Variants in VIPR2 observed in about 807,000 individuals in gnomAD.
VIPR2 encodes the protein vasoactive intestinal polypeptide receptor 2.
In VIPR2, 48 loss-of-function variants were observed where a neutral mutation model predicts 58.0. The observed-to-expected ratio is 0.83, with a 90% CI of 0.66 to 1.05. VIPR2 has a LOEUF of 1.05. VIPR2 is among the 50% of genes least tolerant of loss of function. VIPR2 has a pLI of 0.00. For missense variants in VIPR2, 534 were observed against 558.0 expected, an observed-to-expected ratio of 0.96 and a Z score of 0.43; for synonymous variants, 243 against 235.2, an observed-to-expected ratio of 1.03 and a Z score of -0.30.
intron 2 of VIPR2, among the ~76,000 whole-genome samples, chr7:159,136,586 A>C (rs1026532602): frequency 2.6e-5 from 4 of 152,046 alleles, no homozygotes; most frequent in African/African-American, 9.7e-5. Context: ...CCACACACTG[A>C]GGAGCTGTGT....
chr7:159,040,961 C>A (rs1357090575), intron 6 of VIPR2, among the ~76,000 whole-genome samples: 1 of 152,162 alleles, frequency 6.6e-6, no homozygotes, highest in Admixed American at 6.5e-5. Flanking sequence ...CACGGGGCAT[C>A]TGGCACAAGG....
chr7:159,037,200 C>G (rs1223462020), intron 6 of VIPR2, among the ~76,000 whole-genome samples: 1 of 152,240 alleles, frequency 6.6e-6, no homozygotes, highest in African/African-American at 2.4e-5. Flanking sequence ...ACAGGCCGCA[C>G]AGCTCCCTGG....
chr7:159,096,970 G>C lies in VIPR2; in HGVS notation c.357+6787C>G, dbSNP rs60504971. ...TGAGCTTGGCACCTGCTGGGCCTGA[G>C]GACCATGAGGGGAGGCTTCCTTCAG... On this transcript the variant is annotated intron_variant, in intron 4 of 12. Coordinates refer to ENST00000262178, the MANE Select transcript of VIPR2 (RefSeq NM_003382.5). This position sits in a 1 kb window ranked among gnomAD's most constrained non-coding sequence, Gnocchi z 5.5. The C allele has an allele frequency of 1.5e-3, 2,335 of 1,550,614 alleles. 26 individuals carry two copies. The African/African-American group carries it at 0.028, about 19-fold the overall frequency.
chr7:159,080,027 C>A (rs1856825624), intron 4 of VIPR2, among the ~76,000 whole-genome samples: 1 of 152,178 alleles, frequency 6.6e-6, no homozygotes, highest in African/African-American at 2.4e-5. Flanking sequence ...CAGCCAAATT[C>A]TACCAGAGGT....
At chr7:159,030,860 C>T in intron 12 of VIPR2, 71 bp from the exon 13 acceptor site, 1 of 1,424,300 alleles carries the variant, frequency 7.0e-7, no homozygotes. Flanking sequence ...GGAAGCGCGG[C>T]CCGCGAGCCT....
At chr7:159,104,944 C>G (rs767126939) in intron 3 of VIPR2, among the ~76,000 whole-genome samples, 3 of 151,772 alleles carry the variant, frequency 2.0e-5, no homozygotes, top group Admixed American at 6.5e-5. Flanking sequence ...CCAACCGTGA[C>G]CCAGTAGGGC....
rs1391723269 is a variant in VIPR2 at position 159,032,000 on chromosome 7, A to T, written c.1039T>A (p.Phe347Ile). 6.2e-7 allele frequency: 1 copy of T among 1,614,042 alleles called. No individual in the cohort carries two copies. The highest frequency in any genetic ancestry group is 8.5e-7 in the Non-Finnish European group (1 of 1,180,058). The change falls in exon 11 of 13, where the codon TTT (phenylalanine) becomes ATT (isoleucine). Residue 347 changes from phenylalanine to isoleucine, a missense_variant. By Grantham distance (21) the Phe-to-Ile change is conservative. Transcript: ENST00000262178. This position sits in a 1 kb window ranked among gnomAD's most constrained non-coding sequence, Gnocchi z 4.0. ...TATTTGGAGGAGATGCTGATGGGAA[A>T]CACGGCAAACACCATGTAGTGGACG... ...FGVHYMVFAV[F>I]PISISSKYQI... is the part of the protein sequence containing the mutation.
intron 4 of VIPR2, among the ~76,000 whole-genome samples, chr7:159,074,712 G>A (rs988604421): frequency 3.9e-5 from 6 of 152,162 alleles, no homozygotes; most frequent in African/African-American, 2.4e-5. Flanking sequence ...TTCTGGCTGG[G>A]AGCAGTGGCT....
chr7:159,132,950 G>C (rs1453214139), intron 2 of VIPR2, among the ~76,000 whole-genome samples: 2 of 147,464 alleles, frequency 1.4e-5, no homozygotes, highest in Admixed American at 6.9e-5. Context: ...CATACAGATT[G>C]ATTTCAGACA....
intron 2 of VIPR2, among the ~76,000 whole-genome samples, chr7:159,115,857 T>A (rs1171870120): frequency 1.3e-5 from 2 of 152,256 alleles, no homozygotes; most frequent in Non-Finnish European, 2.9e-5. Flanking sequence ...CTGCTTCTAG[T>A]CTTTCCTAAG....
chr7:159,110,087 T>C (rs1352076989), intron 2 of VIPR2, among the ~76,000 whole-genome samples, 168 bp from the exon 3 acceptor site: 2 of 152,234 alleles, frequency 1.3e-5, no homozygotes, highest in African/African-American at 4.8e-5. Context: ...TCAATTAGCT[T>C]TGGAGGAATA....
chr7:159,144,168 C>T, intron 1 of VIPR2: 1 of 832,568 alleles, frequency 1.2e-6, no homozygotes, highest in Non-Finnish European at 1.6e-6. Flanking sequence ...TTCAGAACTC[C>T]ATGTGCGAAG....
At position 159,036,547 on chromosome 7, in the gene VIPR2, G is replaced by A. The variant is rs75376122; in HGVS notation, c.748+205C>T. 6.7e-3 allele frequency among the ~76,000 whole-genome samples: 1,021 copies of A among 152,276 alleles called. 25 individuals are homozygous for A. The highest frequency in any genetic ancestry group is 0.048 in the East Asian group (248 of 5,186). On this transcript the variant is annotated intron_variant, in intron 7 of 12. Transcript: ENST00000262178. ...GGGGTACAAGGGGCCAGGAATGGGA[G>A]TATTTTAAACTAGGTTCCTGGTTAC...
chr7:159,031,713 A>C lies in VIPR2; in HGVS notation c.1143+115T>G. 5 of 1,578,024 alleles carry C rather than the reference A, an allele frequency of 3.2e-6. No individual in the cohort carries two copies. The highest frequency in any genetic ancestry group is 4.3e-6 in the Non-Finnish European group (5 of 1,166,626). On this transcript the variant is annotated intron_variant, in intron 12 of 12. Transcript: ENST00000262178. The surrounding 1 kb of genome is among the most constrained non-coding windows in gnomAD (Gnocchi z 4.0). ...GACACAGAACTGTGGGGTCCCGGGC[A>C]GTAACTCGAGCCCGCGGAAGACAGG...
At chr7:159,140,104 T>A (rs566457582) in intron 2 of VIPR2, among the ~76,000 whole-genome samples, 2 of 152,250 alleles carry the variant, frequency 1.3e-5, no homozygotes, top group South Asian at 4.1e-4. Context: ...AGATTCAACA[T>A]GTAATAAAGA....
At chr7:159,086,239 TTAAGA>T (rs1164739807) in intron 4 of VIPR2, among the ~76,000 whole-genome samples, 1 of 152,214 alleles carries the variant, frequency 6.6e-6, no homozygotes, top group African/African-American at 2.4e-5. Context: ...TGGTTCCATC[TTAAGA>T]ATGTGTCTTC....
chr7:159,112,807 C>T (rs1401522269), intron 2 of VIPR2, among the ~76,000 whole-genome samples: 128 of 146,924 alleles, frequency 8.7e-4, no homozygotes, highest in African/African-American at 1.3e-3. Context: ...CTGAGAGCCC[C>T]GACTGTGAAG....
intron 2 of VIPR2, among the ~76,000 whole-genome samples, chr7:159,139,921 G>A (rs1585575952): frequency 6.6e-6 from 1 of 152,382 alleles, no homozygotes; most frequent in East Asian, 1.9e-4. Context: ...CTGAGGCCGG[G>A]AGTGCCTCAT....
rs983667470 is a variant in VIPR2, at chr7:159,031,583, C to T, written c.1143+245G>A. The T allele has an allele frequency of 6.1e-6, 6 of 985,220 alleles. No individual in the cohort carries two copies. Among genetic ancestry groups the T allele is most frequent in the South Asian group, 4.7e-5 (1 of 21,284 alleles). The allele number at this position is 985,220 out of a possible 1,614,324, so 61.0% of individuals were successfully genotyped here. On this transcript the variant is annotated intron_variant, in intron 12 of 12. Transcript: ENST00000262178. This position sits in a 1 kb window ranked among gnomAD's most constrained non-coding sequence, Gnocchi z 4.0. ...GAGCTTTCCCGAGAGGGCTCCGAGA[C>T]GGACGGCAGTCGATGCTACTTAGGG...
Sources: allele counts gnomAD v4.1 joint callset (sites outside exome capture counted in the v4.1 genomes callset), GRCh38; gene constraint gnomAD v4.1.1; non-coding constraint Gnocchi (gnomAD v3.1); transcripts MANE v1.5; gene names NCBI Gene and HGNC (gene_info 2026-07-23, HGNC 2026-07-21).